CADPS2: variants seen among roughly 807,000 people sequenced by gnomAD.
The protein encoded by CADPS2 is calcium dependent secretion activator 2.
Under a neutral mutation model 172.5 loss-of-function variants are expected in CADPS2, and 93 were observed. The observed-to-expected ratio is 0.54, with a 90% confidence interval of 0.46 to 0.64. The LOEUF (loss-of-function observed/expected upper bound fraction) is 0.64, where lower values mean the gene tolerates loss of function less well. Ranked by LOEUF, CADPS2 falls within the 30% of genes least tolerant of loss-of-function variation. The pLI is 0.00. For synonymous variants in CADPS2, 546 were observed against 555.2 expected (o/e 0.98, Z 0.23); for missense variants, 1,420 against 1,565.9 (o/e 0.91, Z 1.57).
At position 122,345,674 on chromosome 7, in the gene CADPS2, C is replaced by T. The variant is rs2150980690; in HGVS notation, c.3512G>A (p.Gly1171Glu). 6.2e-7 allele frequency: 1 copy of T among 1,607,354 alleles called. No individual in the cohort carries two copies. The highest frequency in any genetic ancestry group is 8.5e-7 in the Non-Finnish European group (1 of 1,175,604). ...AAKYVDVPKP[G>E]MDLADTYIMF... ...AATATAGGTGTCTGCCAGATCCATT[C>T]CTGGTTTCTGTTGTGAAGGAAAAGC... The change falls in exon 28 of 30, where the codon GGA (glycine) becomes GAA (glutamate). Residue 1171 changes from glycine (G) to glutamate (E), a missense_variant. Gly to Glu is a moderately conservative substitution (Grantham distance 98). Transcript: ENST00000449022.
At chr7:122,475,764 T>A (rs925347674) in intron 12 of CADPS2, among the ~76,000 whole-genome samples, 1 of 152,158 alleles carries the variant, frequency 6.6e-6, no homozygotes, top group African/African-American at 2.4e-5. Context: ...AATGTACATC[T>A]CACATCAATG....
chr7:122,337,492 T>C (rs1207130133), intron 28 of CADPS2, among the ~76,000 whole-genome samples: 1 of 152,202 alleles, frequency 6.6e-6, no homozygotes, highest in African/African-American at 2.4e-5. Context: ...GTTGAGTTTC[T>C]TTTAGGCAAT....
chr7:122,440,328 A>G (rs1366189761), intron 16 of CADPS2: 2 of 152,188 alleles, frequency 1.3e-5, no homozygotes, highest in East Asian at 3.9e-4. Context: ...TTAGGTACCC[A>G]CGATGGGATG....
At chr7:122,535,440 A>C (rs1232537452) in intron 8 of CADPS2, among the ~76,000 whole-genome samples, 1 of 152,082 alleles carries the variant, frequency 6.6e-6, no homozygotes, top group East Asian at 1.9e-4. Flanking sequence ...CAGAGATGTA[A>C]GAAGTCATAT....
rs571669461 is a variant in CADPS2, at chr7:122,582,936, T to G, written c.1224-1646A>C. 6.6e-5 allele frequency among the ~76,000 whole-genome samples: 10 copies of G among 152,178 alleles called. 1 individual carries two copies. The highest frequency in any genetic ancestry group is 2.4e-4 in the African/African-American group (10 of 41,564). Reference sequence around the variant, plus strand: ...CAAAATCCTTTGAAACTATTTACACTACATGTTCATTTTTAATTCCCAAAC... The same window carrying G: ...CAAAATCCTTTGAAACTATTTACACGACATGTTCATTTTTAATTCCCAAAC... On this transcript the variant is annotated intron_variant, in intron 6 of 29. Coordinates refer to ENST00000449022, the MANE Select transcript of CADPS2 (RefSeq NM_017954.11).
At chr7:122,553,802 T>C (rs1458901130) in intron 8 of CADPS2, among the ~76,000 whole-genome samples, 1 of 152,146 alleles carries the variant, frequency 6.6e-6, no homozygotes, top group Non-Finnish European at 1.5e-5. Flanking sequence ...CTTTTCTCCA[T>C]AGTAAGAAAA....
At chr7:122,355,968 C>A (rs896361490) in intron 27 of CADPS2, among the ~76,000 whole-genome samples, 8 of 152,278 alleles carry the variant, frequency 5.3e-5, no homozygotes, top group African/African-American at 1.9e-4. Flanking sequence ...TACAGAAACA[C>A]TGTGGAAATA....
At chr7:122,647,786 CA>C (rs1191416987) in intron 3 of CADPS2, among the ~76,000 whole-genome samples, 1 of 152,036 alleles carries the variant, frequency 6.6e-6, no homozygotes, top group Non-Finnish European at 1.5e-5. Flanking sequence ...CTGTGCTAAT[CA>C]GAACAAATAA....
At chr7:122,805,110 AC>A (rs1798503642) in intron 1 of CADPS2, among the ~76,000 whole-genome samples, 1 of 152,144 alleles carries the variant, frequency 6.6e-6, no homozygotes, top group African/African-American at 2.4e-5. Flanking sequence ...CCCATAGCTA[AC>A]CCCCAGCAAG....
At chr7:122,724,117 T>C (rs1299244876) in intron 2 of CADPS2, among the ~76,000 whole-genome samples, 2 of 151,988 alleles carry the variant, frequency 1.3e-5, no homozygotes, top group Non-Finnish European at 2.9e-5. Flanking sequence ...ACATGACACA[T>C]GTATTCATAT....
At chr7:122,846,635 T>C (rs572552794) in intron 1 of CADPS2, among the ~76,000 whole-genome samples, 1 of 152,316 alleles carries the variant, frequency 6.6e-6, no homozygotes, top group South Asian at 2.1e-4. Context: ...AGCCAATAAT[T>C]TTAAGGAAGA....
At chr7:122,670,168 G>C (rs1370603295) in intron 2 of CADPS2, among the ~76,000 whole-genome samples, 2 of 146,136 alleles carry the variant, frequency 1.4e-5, no homozygotes, top group Non-Finnish European at 3.1e-5. Context: ...TGAACTTATT[G>C]TCAATTGGCA....
At chr7:122,514,363 G>T (rs2060203368) in intron 8 of CADPS2, among the ~76,000 whole-genome samples, 1 of 151,474 alleles carries the variant, frequency 6.6e-6, no homozygotes, top group Non-Finnish European at 1.5e-5. Flanking sequence ...ATTTATTTAG[G>T]GGCTTAAGAT....
chr7:122,388,737 T>G lies in CADPS2; in HGVS notation c.3010A>C (p.Asn1004His), dbSNP rs1387352066. ...SWMPSLYESTNGSATSEDLFW... is the reference protein window; with the variant it reads ...SWMPSLYESTHGSATSEDLFW... ...AGGTCTTCTGATGTTGCTGAGCCAT[T>G]GCTAGAAGAAAAAGGAAAAATGAAC... Residue 1004 changes from asparagine (N) to histidine (H), a missense_variant and splice_region_variant, in exon 23 of 30, where the codon AAT (asparagine) becomes CAT (histidine). Asn to His is a moderately conservative substitution (Grantham distance 68). Transcript: ENST00000449022. 6.3e-7 allele frequency: 1 copy of G among 1,596,150 alleles called. No individual in the cohort carries two copies. The highest frequency in any genetic ancestry group is 8.6e-7 in the Non-Finnish European group (1 of 1,168,312).
At chr7:122,733,784 T>C (rs2091895951) in intron 2 of CADPS2, among the ~76,000 whole-genome samples, 1 of 151,980 alleles carries the variant, frequency 6.6e-6, no homozygotes, top group Admixed American at 6.6e-5. Context: ...CAAGTTTGAA[T>C]CCTTTATTTG....
rs368198874 is a variant in CADPS2 at position 122,702,722 on chromosome 7, G to A, written c.453+34233C>T. On this transcript the variant is annotated intron_variant, in intron 2 of 29. Coordinates refer to ENST00000449022, the MANE Select transcript of CADPS2 (RefSeq NM_017954.11). The stretch of plus-strand genomic sequence containing the variant: ...AAGTCCAGATGAAACAGAACTATGC[G>A]TCGAAGGGGTAATTCTAAGGAAGCT... 36 of 1,608,726 alleles carry A rather than the reference G, an allele frequency of 2.2e-5. No homozygotes were observed. In the African/African-American group the frequency reaches 2.4e-4, roughly 11 times the overall value.
At chr7:122,698,235 T>C (rs1379540402) in intron 2 of CADPS2, 1 of 1,614,008 alleles carries the variant, frequency 6.2e-7, no homozygotes, top group Non-Finnish European at 8.5e-7. Flanking sequence ...TCTGAAGATC[T>C]GTTGTTAATC....
intron 1 of CADPS2, among the ~76,000 whole-genome samples, chr7:122,740,215 TCA>T (rs1371266959): frequency 6.6e-6 from 1 of 152,164 alleles, no homozygotes; most frequent in African/African-American, 2.4e-5. Context: ...GATCCAGTAA[TCA>T]CAGTCCTTAG....
intron 15 of CADPS2, among the ~76,000 whole-genome samples, chr7:122,443,766 A>T (rs1248160234): frequency 7.2e-6 from 1 of 138,892 alleles, no homozygotes; most frequent in Non-Finnish European, 1.5e-5. Context: ...TTCTTTTGGT[A>T]TTTAAACTTT....
Sources: gnomAD v4.1 joint callset for allele counts (sites outside exome capture counted in the v4.1 genomes callset) on GRCh38, gnomAD v4.1.1 for gene constraint, MANE v1.5 for transcripts, NCBI Gene and HGNC (gene_info 2026-07-23, HGNC 2026-07-21) for gene names.